Variants in PKIB observed in about 807,000 individuals in gnomAD.
PKIB encodes the protein cAMP-dependent protein kinase inhibitor beta, also known as PKI-beta.
PKIB carries 2 observed loss-of-function variants against 4.5 expected under a neutral mutation model. The observed-to-expected ratio is 0.44, with a 90% CI of 0.18 to 1.39. The LOEUF (loss-of-function observed/expected upper bound fraction) is 1.39. Ranked by LOEUF, PKIB falls within the 40% of genes most tolerant of loss-of-function variation. PKIB has a pLI of 0.27. For missense variants in PKIB, 94 were observed against 92.6 expected (o/e 1.02, Z -0.06); for synonymous variants, 38 against 36.0 (o/e 1.06, Z -0.20).
At chr6:122,638,546 G>A (rs1300775546) in intron 2 of PKIB, among the ~76,000 whole-genome samples, 1 of 152,178 alleles carries the variant, frequency 6.6e-6, no homozygotes, top group African/African-American at 2.4e-5. Flanking sequence ...TCAGCTGACA[G>A]GGAATCTGCT....
intron 3 of PKIB, among the ~76,000 whole-genome samples, chr6:122,695,922 A>T (rs1178290884): frequency 6.6e-6 from 1 of 152,128 alleles, no homozygotes; most frequent in Non-Finnish European, 1.5e-5. Flanking sequence ...ATATAAAGCC[A>T]TGTACAATAT....
At chr6:122,621,851 CAT>C (rs1775242790) in intron 1 of PKIB, among the ~76,000 whole-genome samples, 1 of 152,064 alleles carries the variant, frequency 6.6e-6, no homozygotes, top group South Asian at 2.1e-4. Context: ...CCTCAGAGCA[CAT>C]GTCTCTTCCT....
At chr6:122,570,630 T>C (rs1334988749) in intron 2 of PKIB, among the ~76,000 whole-genome samples, 1 of 152,026 alleles carries the variant, frequency 6.6e-6, no homozygotes. Flanking sequence ...CCTCTATAAC[T>C]AAGGAAGTCA....
chr6:122,546,113 CA>C, intron 2 of PKIB, among the ~76,000 whole-genome samples: 1 of 152,144 alleles, frequency 6.6e-6, no homozygotes, highest in Non-Finnish European at 1.5e-5. Context: ...TAAGCTGAGG[CA>C]AATCAGGTCT....
intron 3 of PKIB, chr6:122,701,624 C>A (rs921272133): frequency 1.8e-6 from 2 of 1,137,148 alleles, no homozygotes; most frequent in East Asian, 2.6e-5. Flanking sequence ...GTCTCAGGTA[C>A]CCTTGCCAAA....
chr6:122,682,280 G>A (rs1326285536), intron 3 of PKIB, among the ~76,000 whole-genome samples: 27 of 152,050 alleles, frequency 1.8e-4, no homozygotes. Context: ...GGCCAGTAGG[G>A]CCATGATTTA....
intron 3 of PKIB, among the ~76,000 whole-genome samples, chr6:122,697,071 C>T (rs1778608642): frequency 6.6e-6 from 1 of 152,124 alleles, no homozygotes. Flanking sequence ...AGGAGTTGCA[C>T]TCAAGAGCAG....
At chr6:122,651,944 A>G (rs1303076389) in intron 2 of PKIB, among the ~76,000 whole-genome samples, 2 of 152,126 alleles carry the variant, frequency 1.3e-5, no homozygotes, top group East Asian at 3.9e-4. Context: ...TTTTACAAAT[A>G]TTTGATTATG....
chr6:122,486,935 GTCTA>G (rs66823797), intron 2 of PKIB, among the ~76,000 whole-genome samples: 17,567 of 135,090 alleles, frequency 0.13, 1,250 homozygotes, highest in East Asian at 0.23. Context: ...CTTGCTGTCT[GTCTA>G]TCTATCTATC....
intron 2 of PKIB, among the ~76,000 whole-genome samples, chr6:122,552,977 T>G (rs1772724317): frequency 6.6e-6 from 1 of 151,954 alleles, no homozygotes; most frequent in African/African-American, 2.4e-5. Flanking sequence ...TTCACTGGAT[T>G]TTTTTTTATT....
intron 3 of PKIB, among the ~76,000 whole-genome samples, chr6:122,591,886 G>GTT (rs34795750): frequency 7.0e-6 from 1 of 142,722 alleles, no homozygotes; most frequent in African/African-American, 2.6e-5. Flanking sequence ...TGCCTGGCTA[G>GTT]TTTTTTTTTT....
At chr6:122,548,175 C>T (rs1159281772) in intron 2 of PKIB, among the ~76,000 whole-genome samples, 1 of 152,132 alleles carries the variant, frequency 6.6e-6, no homozygotes, top group Non-Finnish European at 1.5e-5. Context: ...ATTTGAAATA[C>T]ACCTGAGAAT....
intron 3 of PKIB, among the ~76,000 whole-genome samples, chr6:122,604,522 G>A (rs553478977): frequency 6.6e-6 from 1 of 152,352 alleles, no homozygotes; most frequent in Non-Finnish European, 1.5e-5. Context: ...GGAGTGTCAA[G>A]TTGATGAGTT....
chr6:122,684,915 A>C (rs988549883), intron 3 of PKIB, among the ~76,000 whole-genome samples: 3 of 152,186 alleles, frequency 2.0e-5, no homozygotes, highest in African/African-American at 4.8e-5. Context: ...GCTTTGGTCA[A>C]GGTCAGATAC....
chr6:122,513,058 G>A (rs1160020879), intron 2 of PKIB, among the ~76,000 whole-genome samples: 1 of 152,062 alleles, frequency 6.6e-6, no homozygotes, highest in Non-Finnish European at 1.5e-5. Context: ...GCCTGATGTG[G>A]ACACATCATC....
intron 3 of PKIB, among the ~76,000 whole-genome samples, chr6:122,714,793 G>T (rs1342683890): frequency 6.6e-6 from 1 of 152,028 alleles, no homozygotes; most frequent in African/African-American, 2.4e-5. Context: ...GTTTACCTAC[G>T]TAACAAACTT....
chr6:122,693,152 T>A (rs1392081956), intron 3 of PKIB, among the ~76,000 whole-genome samples: 2 of 152,202 alleles, frequency 1.3e-5, no homozygotes, highest in Non-Finnish European at 2.9e-5. Flanking sequence ...CTCTGTACCC[T>A]GTGACGTATA....
intron 2 of PKIB, among the ~76,000 whole-genome samples, chr6:122,573,691 T>A (rs1323053009): frequency 6.6e-6 from 1 of 152,100 alleles, no homozygotes; most frequent in Non-Finnish European, 1.5e-5. Flanking sequence ...TCTCAATAGA[T>A]GCAGAAAAAG....
chr6:122,660,923 A>G (rs1278882769), intron 2 of PKIB, among the ~76,000 whole-genome samples: 1 of 152,196 alleles, frequency 6.6e-6, no homozygotes, highest in Non-Finnish European at 1.5e-5. Context: ...ACATTTATAG[A>G]TTAAATATTT....
Sources: gnomAD v4.1 joint callset for allele counts (sites outside exome capture counted in the v4.1 genomes callset) on GRCh38, gnomAD v4.1.1 for gene constraint, MANE v1.5 for transcripts, NCBI Gene and HGNC (gene_info 2026-07-23, HGNC 2026-07-21) for gene names.